MLXIP: variants seen among roughly 807,000 people sequenced by gnomAD.
MLXIP encodes the protein MLX-interacting protein.
Under a neutral mutation model 87.2 loss-of-function variants are expected in MLXIP, and 30 were observed. That is an observed-to-expected ratio of 0.34 (90% CI 0.26 to 0.47). The LOEUF is 0.47. Ranked by LOEUF, MLXIP falls within the 20% of genes least tolerant of loss-of-function variation. MLXIP has a pLI of 1.00. For synonymous variants in MLXIP, 530 were observed against 514.0 expected (o/e 1.03, Z -0.42); for missense variants, 1,002 against 1,240.1 (o/e 0.81, Z 2.88).
chr12:122,105,328 T>C (rs957489177), intron 1 of MLXIP, among the ~76,000 whole-genome samples: 1 of 152,106 alleles, frequency 6.6e-6, no homozygotes, highest in Admixed American at 6.6e-5. Context: ...TGATTTTTTT[T>C]TTATTTAGAA....
rs1487970849 is a variant in MLXIP, at chr12:122,095,558, G to A, written c.413+16292G>A. ...AAGTTGGGGAGTTCTTTAAAGCTTAGGACCTTACTTTTTGGAATTTGTCCA... is the reference window on the plus strand; with the variant it reads ...AAGTTGGGGAGTTCTTTAAAGCTTAAGACCTTACTTTTTGGAATTTGTCCA... On this transcript the variant is annotated intron_variant, in intron 1 of 16. Transcript: ENST00000319080. 2.6e-5 allele frequency among the ~76,000 whole-genome samples: 4 copies of A among 152,136 alleles called. No individual in the cohort carries two copies. The East Asian group carries it at 5.8e-4, about 22-fold the overall frequency.
intron 4 of MLXIP, 49 bp from the exon 5 acceptor site, chr12:122,129,539 C>T (rs1451091440): frequency 6.9e-6 from 11 of 1,605,432 alleles, no homozygotes; most frequent in Non-Finnish European, 9.4e-6. Flanking sequence ...AGCCCTTGGG[C>T]CCTCCTAGGG....
At position 122,138,528 on chromosome 12, in the gene MLXIP, C is replaced by T. The variant is rs370845887; in HGVS notation, c.2361C>T (p.Ile787=). The change falls in exon 14 of 17, where the codon ATC becomes ATT. Residue 787 remains isoleucine (I), a synonymous_variant. Transcript: ENST00000319080. ...AGGCCCGGCGGCTGCGGGAGGAGATCGAGGAGCTCAATGCCACCATCATGT... is the reference window on the plus strand; with the variant it reads ...AGGCCCGGCGGCTGCGGGAGGAGATTGAGGAGCTCAATGCCACCATCATGT... ...QEEARRLREE[I]EELNATIISC... The T allele has an allele frequency of 6.8e-6, 11 of 1,612,838 alleles. No individual in the cohort carries two copies. Among genetic ancestry groups the T allele is most frequent in the African/African-American group, 5.3e-5 (4 of 74,900 alleles).
rs1187977018 is a variant in MLXIP at position 122,079,224 on chromosome 12, C to T, written c.371C>T (p.Ala124Val). Residue 124 changes from alanine to valine, a missense_variant, in exon 1 of 17, where the codon GCC (alanine) becomes GTC (valine). Physicochemically the swap from Ala to Val is moderately conservative, Grantham distance 64. This residue lies in a region of MLXIP where 127 missense variants were observed against 239.0 expected (regional missense o/e 0.53). Coordinates refer to ENST00000319080, the MANE Select transcript of MLXIP (RefSeq NM_014938.6). ...KTSSCHLSID[A>V]SLTKLFECMT... is the part of the protein sequence containing the mutation. Reference sequence around the variant, plus strand: ...AGCTCCTGCCACCTGTCCATCGACGCCTCGCTCACCAAGCTCTTCGAGTGC... The same window carrying T: ...AGCTCCTGCCACCTGTCCATCGACGTCTCGCTCACCAAGCTCTTCGAGTGC... The T allele has an allele frequency of 1.3e-6, 2 of 1,551,272 alleles. No individual in the cohort carries two copies. The highest frequency in any genetic ancestry group is 4.9e-5 in the East Asian group (2 of 40,872).
rs1281670999 is a variant in MLXIP, at chr12:122,138,356, C to T, written c.2256+61C>T. 26 of 1,611,420 alleles carry T rather than the reference C, an allele frequency of 1.6e-5. 1 individual carries two copies. The highest frequency in any genetic ancestry group is 1.6e-4 in the Middle Eastern group (1 of 6,074). ...GGGAGCTGGCAGGACGTGCTCCCTG[C>T]GTGGTCATTGCTGGTGGCAGGCCTG... On this transcript the variant is annotated intron_variant, in intron 13 of 16. Coordinates refer to ENST00000319080, the MANE Select transcript of MLXIP (RefSeq NM_014938.6).
In MLXIP at chr12:122,137,640, A is replaced by G. The variant is rs781519240; in HGVS notation, c.2154+50A>G. The stretch of plus-strand genomic sequence containing the variant: ...CCTTGGGAGGAGGGGAGAGGAGTGC[A>G]GGACATCAAGGATCTGTGTCTTGTC... On this transcript the variant is annotated intron_variant, in intron 12 of 16. Transcript: ENST00000319080. The surrounding 1 kb of genome is among the most constrained non-coding windows in gnomAD (Gnocchi z 4.1). 1.9e-6 allele frequency: 3 copies of G among 1,585,546 alleles called. No homozygotes were observed. The Admixed American group carries it at 5.3e-5, about 28-fold the overall frequency.
At chr12:122,134,330 G>C (rs533098620) in intron 9 of MLXIP, 131 of 318,536 alleles carry the variant, frequency 4.1e-4, no homozygotes, top group African/African-American at 2.4e-3. Flanking sequence ...GAGTAGTTGG[G>C]ATTACAGGTG....
intron 3 of MLXIP, chr12:122,128,863 G>A: frequency 2.3e-6 from 1 of 430,276 alleles, no homozygotes; most frequent in Non-Finnish European, 4.2e-6. Flanking sequence ...GGAGCATTCT[G>A]CTCTCACCCT....
Position 122,134,278 on chromosome 12 carries a change from G to T in MLXIP, c.1732+291G>T, listed in dbSNP as rs1183626500. On this transcript the variant is annotated intron_variant, in intron 9 of 16. Coordinates refer to ENST00000319080, the MANE Select transcript of MLXIP (RefSeq NM_014938.6). ...GGCATAATCTCGGCTCACTGCAACCGCCCCCTCCCGGGTTCAAGCGATTCT... is the reference window on the plus strand; with the variant it reads ...GGCATAATCTCGGCTCACTGCAACCTCCCCCTCCCGGGTTCAAGCGATTCT... 49 of 390,794 alleles carry T rather than the reference G, an allele frequency of 1.3e-4. No individual in the cohort carries two copies. The East Asian group carries it at 2.2e-3, about 17-fold the overall frequency. 24.2% of individuals were successfully genotyped at this position (390,794 alleles called of 1,614,324 possible). A position where few individuals can be genotyped will look rare whatever the true frequency, so the allele number is the denominator to read the frequency against.
intron 1 of MLXIP, among the ~76,000 whole-genome samples, chr12:122,100,435 G>T (rs1285905069): frequency 6.6e-6 from 1 of 152,172 alleles, no homozygotes; most frequent in Non-Finnish European, 1.5e-5. Flanking sequence ...TTAATGGGAA[G>T]TAGAAATCTG....
rs1277200753 is a variant in MLXIP, at chr12:122,128,841, T to A, written c.607-296T>A. 2.2e-5 allele frequency: 7 copies of A among 325,368 alleles called. No individual in the cohort carries two copies. The East Asian group carries it at 4.0e-4, about 19-fold the overall frequency. 20.2% of individuals were successfully genotyped at this position (325,368 alleles called of 1,614,324 possible). On this transcript the variant is annotated intron_variant, in intron 3 of 16. Coordinates refer to ENST00000319080, the MANE Select transcript of MLXIP (RefSeq NM_014938.6). Reference sequence around the variant, plus strand: ...GGGAATTGCTGCAGCGTTCCCCTGCTTCTTCCTCTGTGGAGCATTCTGCTC... The same window carrying A: ...GGGAATTGCTGCAGCGTTCCCCTGCATCTTCCTCTGTGGAGCATTCTGCTC...
At position 122,133,253 on chromosome 12, in the gene MLXIP, G is replaced by A. The variant is rs996779010; in HGVS notation, c.1093-95G>A. 1.0e-4 allele frequency: 145 copies of A among 1,421,380 alleles called. No homozygotes were observed. Among genetic ancestry groups the A allele is most frequent in the Non-Finnish European group, 1.3e-4 (136 of 1,065,944 alleles). The allele number at this position is 1,421,380 out of a possible 1,614,324, so 88.0% of individuals were successfully genotyped here. ...GTGGCCTTTGTCCCTCTGTCCCAGC[G>A]CCCGGCCTGTGTAGTTGGACTTGGC... On this transcript the variant is annotated intron_variant, in intron 8 of 16. Coordinates refer to ENST00000319080, the MANE Select transcript of MLXIP (RefSeq NM_014938.6). This position sits in a 1 kb window ranked among gnomAD's most constrained non-coding sequence, Gnocchi z 4.9.
rs148086707 is a variant in MLXIP, at chr12:122,102,958, T to G, written c.413+23692T>G. On this transcript the variant is annotated intron_variant, in intron 1 of 16. Transcript: ENST00000319080. ...GGCATTTCTTTTAAATGCTCTAAAG[T>G]TGTGATGGCAGTTGCATAGCTCTCT... Among the ~76,000 whole-genome samples, 704 of 152,300 alleles carry G rather than the reference T, an allele frequency of 4.6e-3. 7 individuals are homozygous for G. Among genetic ancestry groups the G allele is most frequent in the African/African-American group, 0.016 (661 of 41,558 alleles).
intron 1 of MLXIP, among the ~76,000 whole-genome samples, chr12:122,123,276 T>C (rs1952813306): frequency 6.6e-6 from 1 of 152,120 alleles, no homozygotes; most frequent in Non-Finnish European, 1.5e-5. Context: ...GAAATTGCCT[T>C]GGGGGCGGGC....
Position 122,142,261 on chromosome 12 carries a change from ACT to A in MLXIP, c.*454_*455del, listed in dbSNP as rs1565993082. 1 of 696,196 alleles carries A rather than the reference ACT, an allele frequency of 1.4e-6. No homozygotes were observed. Among genetic ancestry groups the A allele is most frequent in the Non-Finnish European group, 2.6e-6 (1 of 381,500 alleles). 43.1% of individuals were successfully genotyped at this position (696,196 alleles called of 1,614,324 possible). ...ATGCCTCTGCCTGATGCCCTGCTCCACTCTCTGGTCTGCCCGTGGGGCAGTTG... is the reference window on the plus strand; with the variant it reads ...ATGCCTCTGCCTGATGCCCTGCTCCACTCTGGTCTGCCCGTGGGGCAGTTG... On this transcript the variant is annotated 3_prime_UTR_variant, in exon 17 of 17. Transcript: ENST00000319080.
Position 122,141,916 on chromosome 12 carries a change from C to T in MLXIP, c.*104C>T. ...CCTTCCTGACGCTCAGCCTCGGGGC[C>T]TCTCTCCAACTCTGCCGGCCCACCG... On this transcript the variant is annotated 3_prime_UTR_variant, in exon 17 of 17. Transcript: ENST00000319080. 6.7e-7 allele frequency: 1 copy of T among 1,503,422 alleles called. No homozygotes were observed. Among genetic ancestry groups the T allele is most frequent in the East Asian group, 2.3e-5 (1 of 43,810 alleles). The allele number at this position is 1,503,422 out of a possible 1,614,324, so 93.1% of individuals were successfully genotyped here.
rs1165779503 is a variant in MLXIP, at chr12:122,130,917, C to G, written c.984C>G (p.Thr328=). The change falls in exon 7 of 17, where the codon ACC becomes ACG. Residue 328 remains threonine, a synonymous_variant. Coordinates refer to ENST00000319080, the MANE Select transcript of MLXIP (RefSeq NM_014938.6). The part of the protein sequence containing the change: ...PLQPNLDFMD[T]FEPFQDLFSS... The stretch of plus-strand genomic sequence containing the variant: ...AGCCTAACCTGGACTTCATGGACAC[C>G]TTTGAGCCTTTCCAGGGTGAGGACC... 1 of 1,613,118 alleles carries G rather than the reference C, an allele frequency of 6.2e-7. No individual in the cohort carries two copies. The highest frequency in any genetic ancestry group is 1.7e-5 in the Admixed American group (1 of 60,012).
chr12:122,116,053 A>AAC (rs138548664), intron 1 of MLXIP, among the ~76,000 whole-genome samples: 25,317 of 147,052 alleles, frequency 0.17, 2,212 homozygotes, highest in East Asian at 0.26. Context: ...TCCATCTGAA[A>AAC]ACACACACAC....
intron 1 of MLXIP, among the ~76,000 whole-genome samples, chr12:122,095,494 G>A (rs1417311629): frequency 1.3e-5 from 2 of 151,950 alleles, no homozygotes; most frequent in East Asian, 1.9e-4. Context: ...GTATTTATCC[G>A]CCACACAGTG....
Sources: gnomAD v4.1 joint callset for allele counts (sites outside exome capture counted in the v4.1 genomes callset) on GRCh38, gnomAD v4.1.1 for gene constraint, gnomAD v4.1.1 regional missense constraint, Gnocchi (gnomAD v3.1) non-coding constraint, MANE v1.5 for transcripts, NCBI Gene and HGNC (gene_info 2026-07-23, HGNC 2026-07-21) for gene names.